The following TTF2 variants were observed in gnomAD, a reference collection of about 807,000 sequenced individuals.
The protein encoded by TTF2 is transcription termination factor 2, also known as RNA polymerase II termination factor.
TTF2 carries 108 observed loss-of-function variants against 142.4 expected under a neutral mutation model. The observed-to-expected ratio is 0.76, with a 90% CI of 0.65 to 0.89. TTF2 has a LOEUF of 0.89. Ranked by LOEUF, TTF2 falls within the 40% of genes least tolerant of loss-of-function variation. The pLI, the probability that TTF2 is intolerant of heterozygous loss-of-function variation, is 0.00. For missense variants in TTF2, 1,327 were observed against 1,379.8 expected (o/e 0.96, Z 0.61); for synonymous variants, 483 against 506.2 (o/e 0.95, Z 0.61).
intron 3 of TTF2, among the ~76,000 whole-genome samples, chr1:117,071,669 G>A (rs1453699755): frequency 6.6e-6 from 1 of 152,060 alleles, no homozygotes; most frequent in African/African-American, 2.4e-5. Context: ...TCAATTAAAA[G>A]TTTTTGAGGA....
rs1656724656 is a variant in TTF2, at chr1:117,073,097, T to G, written c.219-564T>G. 6.6e-6 allele frequency among the ~76,000 whole-genome samples: 1 copy of G among 152,216 alleles called. No individual in the cohort carries two copies. The highest frequency in any genetic ancestry group is 1.5e-5 in the Non-Finnish European group (1 of 68,036). On this transcript the variant is annotated intron_variant, in intron 3 of 22. Coordinates refer to ENST00000369466, the MANE Select transcript of TTF2 (RefSeq NM_003594.4). This position sits in a 1 kb window ranked among gnomAD's most constrained non-coding sequence, Gnocchi z 4.4. ...TTCATCTTTTTTTCTCCCTCGTAACTTATTTGTGGAAGGGATCAGGTTGTT... is the reference window on the plus strand; with the variant it reads ...TTCATCTTTTTTTCTCCCTCGTAACGTATTTGTGGAAGGGATCAGGTTGTT...
rs746902522 is a variant in TTF2 at position 117,076,613 on chromosome 1, A to G, written c.1391-28A>G. On this transcript the variant is annotated intron_variant, in intron 6 of 22. Transcript: ENST00000369466. The surrounding 1 kb of genome is among the most constrained non-coding windows in gnomAD (Gnocchi z 4.6). The stretch of plus-strand genomic sequence containing the variant: ...CCTTCACTTAGTTTGCTGAACTTTA[A>G]TCTGCTCTTCCCTTGTTTTCTGAGC... 1.5e-5 allele frequency: 24 copies of G among 1,582,674 alleles called. No homozygotes were observed. In the South Asian group the frequency reaches 2.2e-4, roughly 15 times the overall value.
chr1:117,071,018 G>A (rs1004052702), intron 3 of TTF2, among the ~76,000 whole-genome samples: 1 of 152,110 alleles, frequency 6.6e-6, no homozygotes, highest in African/African-American at 2.4e-5. Flanking sequence ...CTGAAGGAAA[G>A]CAGAAGGAAG....
Position 117,104,650 on chromosome 1 carries a change from G to C in TTF2, c.*3126G>C, listed in dbSNP as rs554430753. Reference sequence around the variant, plus strand: ...CCGTGAGATGCTACTGACTTGAGGTGGATGCAGAAAAAAATGGAACCACTG... The same window carrying C: ...CCGTGAGATGCTACTGACTTGAGGTCGATGCAGAAAAAAATGGAACCACTG... On this transcript the variant is annotated 3_prime_UTR_variant, in exon 23 of 23. Coordinates refer to ENST00000369466, the MANE Select transcript of TTF2 (RefSeq NM_003594.4). 6.6e-6 allele frequency: 1 copy of C among 152,128 alleles called. No homozygotes were observed. Among genetic ancestry groups the C allele is most frequent in the Admixed American group, 6.5e-5 (1 of 15,272 alleles). The allele number at this position is 152,128 out of a possible 1,614,324, so 9.4% of individuals were successfully genotyped here.
intron 3 of TTF2, among the ~76,000 whole-genome samples, chr1:117,064,939 A>G (rs924748047): frequency 2.0e-5 from 3 of 150,480 alleles, no homozygotes; most frequent in Non-Finnish European, 4.4e-5. Context: ...TTATTTTTGC[A>G]TATGTTACCA....
Position 117,075,978 on chromosome 1 carries a change from G to A in TTF2, c.1275+119G>A, listed in dbSNP as rs1404400961. The A allele has an allele frequency of 7.0e-7, 1 of 1,418,752 alleles. No homozygotes were observed. The highest frequency in any genetic ancestry group is 2.5e-5 in the Admixed American group (1 of 40,322). The allele number at this position is 1,418,752 out of a possible 1,614,324, so 87.9% of individuals were successfully genotyped here. On this transcript the variant is annotated intron_variant, in intron 5 of 22. Transcript: ENST00000369466. The surrounding 1 kb of genome is among the most constrained non-coding windows in gnomAD (Gnocchi z 4.5). ...TCATGTGAAGGTTTTATAGGTGCAT[G>A]TTCAGTTTCTGCCTTTTCCCCTATT...
At chr1:117,062,232 G>A (rs1283595436) in intron 2 of TTF2, among the ~76,000 whole-genome samples, 155 bp from the exon 3 acceptor site, 3 of 152,224 alleles carry the variant, frequency 2.0e-5, no homozygotes, top group Non-Finnish European at 2.9e-5. Context: ...TTCCCCAAAG[G>A]AATGCCCATA....
rs1055333557 is a variant in TTF2, at chr1:117,063,903, A to C, written c.218+1430A>C. Among the ~76,000 whole-genome samples the C allele has an allele frequency of 6.6e-6, 1 of 152,228 alleles. No homozygotes were observed. Among genetic ancestry groups the C allele is most frequent in the African/African-American group, 2.4e-5 (1 of 41,454 alleles). On this transcript the variant is annotated intron_variant, in intron 3 of 22. Transcript: ENST00000369466. This position sits in a 1 kb window ranked among gnomAD's most constrained non-coding sequence, Gnocchi z 4.1. ...ATTTATGTGTGTGTGTATATTCTATACAATTTTATCCTGTCGAGTCATGTA... is the reference window on the plus strand; with the variant it reads ...ATTTATGTGTGTGTGTATATTCTATCCAATTTTATCCTGTCGAGTCATGTA...
chr1:117,069,298 C>T (rs1185704179), intron 3 of TTF2, among the ~76,000 whole-genome samples: 2 of 152,136 alleles, frequency 1.3e-5, no homozygotes, highest in African/African-American at 2.4e-5. Context: ...CACATTAGAG[C>T]GCTAAATTGA....
In TTF2 at chr1:117,086,231, A is replaced by G. The variant is rs1444418793; in HGVS notation, c.2055-186A>G. On this transcript the variant is annotated intron_variant, in intron 11 of 22. Transcript: ENST00000369466. The surrounding 1 kb of genome is among the most constrained non-coding windows in gnomAD (Gnocchi z 4.2). ...AAGAGATAGGGAAACCCAAGTGGGT[A>G]AAATTTACCTCCAAAATGTGTGTGT... 6.7e-6 allele frequency among the ~76,000 whole-genome samples: 1 copy of G among 149,220 alleles called. No homozygotes were observed. The highest frequency in any genetic ancestry group is 1.5e-5 in the Non-Finnish European group (1 of 67,832).
At position 117,063,128 on chromosome 1, in the gene TTF2, G is replaced by C. The variant is rs1388956331; in HGVS notation, c.218+655G>C. Among the ~76,000 whole-genome samples the C allele has an allele frequency of 6.6e-6, 1 of 152,142 alleles. No homozygotes were observed. The highest frequency in any genetic ancestry group is 1.9e-4 in the East Asian group (1 of 5,200). On this transcript the variant is annotated intron_variant, in intron 3 of 22. Coordinates refer to ENST00000369466, the MANE Select transcript of TTF2 (RefSeq NM_003594.4). This position sits in a 1 kb window ranked among gnomAD's most constrained non-coding sequence, Gnocchi z 4.1. ...GGTCAGGATGTGATAGATGGTCTTT[G>C]TGTGATATTCTATGCACTTCATAAT...
Position 117,074,995 on chromosome 1 carries a change from C to G in TTF2, c.411C>G (p.Leu137=), listed in dbSNP as rs746959728. The change falls in exon 5 of 23, where the codon CTC becomes CTG. Residue 137 remains leucine, a synonymous_variant. Coordinates refer to ENST00000369466, the MANE Select transcript of TTF2 (RefSeq NM_003594.4). The part of the protein sequence containing the change: ...KVLDKNQEPA[L]WKQLIKGEGE... ...TTGACAAGAATCAAGAACCAGCTCTCTGGAAACAGCTCATCAAAGGTGAAG... is the reference window on the plus strand; with the variant it reads ...TTGACAAGAATCAAGAACCAGCTCTGTGGAAACAGCTCATCAAAGGTGAAG... 21 of 1,613,934 alleles carry G rather than the reference C, an allele frequency of 1.3e-5. No individual in the cohort carries two copies. The East Asian group carries it at 4.7e-4, about 36-fold the overall frequency.
intron 16 of TTF2, among the ~76,000 whole-genome samples, 167 bp from the exon 17 acceptor site, chr1:117,091,650 C>T (rs897838897): frequency 6.6e-6 from 1 of 151,986 alleles, no homozygotes; most frequent in East Asian, 1.9e-4. Flanking sequence ...AAGGAAAAAC[C>T]GATATTTCAT....
At position 117,080,355 on chromosome 1, in the gene TTF2, A is replaced by C. The variant is rs1647389749; in HGVS notation, c.1783+706A>C. On this transcript the variant is annotated intron_variant, in intron 9 of 22. Coordinates refer to ENST00000369466, the MANE Select transcript of TTF2 (RefSeq NM_003594.4). This position sits in a 1 kb window ranked among gnomAD's most constrained non-coding sequence, Gnocchi z 4.3. ...AGCATCACAGCTACTTTGCTTCACC[A>C]AGTGCTAGAGGCAACCAGTGCCACC... 6.6e-6 allele frequency among the ~76,000 whole-genome samples: 1 copy of C among 152,108 alleles called. No homozygotes were observed. The highest frequency in any genetic ancestry group is 1.5e-5 in the Non-Finnish European group (1 of 68,020).
At chr1:117,084,316 C>G in intron 11 of TTF2, 148 bp downstream of exon 11, 1 of 1,009,612 alleles carries the variant, frequency 9.9e-7, no homozygotes, top group Non-Finnish European at 1.4e-6. Context: ...CACCATACAG[C>G]CTTTGCGTTG....
chr1:117,090,211 AATC>A lies in TTF2; in HGVS notation c.2496+5_2496+7del. ...TGGACTCTACTGGCAGACCTTTGGT[AATC>A]AAGTTTGTACCTGTCCCTGGGGGAG... On this transcript the variant is annotated splice_donor_5th_base_variant and intron_variant, in intron 14 of 22. Coordinates refer to ENST00000369466, the MANE Select transcript of TTF2 (RefSeq NM_003594.4). This position sits in a 1 kb window ranked among gnomAD's most constrained non-coding sequence, Gnocchi z 4.8. 6.2e-7 allele frequency: 1 copy of A among 1,613,658 alleles called. No individual in the cohort carries two copies. Among genetic ancestry groups the A allele is most frequent in the Non-Finnish European group, 8.5e-7 (1 of 1,179,784 alleles).
rs781178944 is a variant in TTF2, at chr1:117,077,912, G to A, written c.1574-4G>A. 13 of 1,614,058 alleles carry A rather than the reference G, an allele frequency of 8.1e-6. No homozygotes were observed. Among genetic ancestry groups the A allele is most frequent in the Non-Finnish European group, 1.1e-5 (13 of 1,179,940 alleles). ...TCTTTTAGGTAACACCTATTTGTATGCAGGCCATACAAACCAAGATCACGT... is the reference window on the plus strand; with the variant it reads ...TCTTTTAGGTAACACCTATTTGTATACAGGCCATACAAACCAAGATCACGT... On this transcript the variant is annotated splice_polypyrimidine_tract_variant and splice_region_variant and intron_variant, in intron 7 of 22. Coordinates refer to ENST00000369466, the MANE Select transcript of TTF2 (RefSeq NM_003594.4).
In TTF2 at chr1:117,073,032, G is replaced by T. The variant is rs1239104320; in HGVS notation, c.219-629G>T. Among the ~76,000 whole-genome samples, 1 of 152,158 alleles carries T rather than the reference G, an allele frequency of 6.6e-6. No homozygotes were observed. The highest frequency in any genetic ancestry group is 1.5e-5 in the Non-Finnish European group (1 of 68,034). On this transcript the variant is annotated intron_variant, in intron 3 of 22. Coordinates refer to ENST00000369466, the MANE Select transcript of TTF2 (RefSeq NM_003594.4). The surrounding 1 kb of genome is among the most constrained non-coding windows in gnomAD (Gnocchi z 4.4). ...GGATCCAAATAAGGTTCACAAATTGGAATTGATTAATATGTCTTTTAAGTC... is the reference window on the plus strand; with the variant it reads ...GGATCCAAATAAGGTTCACAAATTGTAATTGATTAATATGTCTTTTAAGTC...
Position 117,075,887 on chromosome 1 carries a change from G to A in TTF2, c.1275+28G>A. ...AACTATTGACTCGTGTTTTGTTTCT[G>A]AGGTCAGAGCATTGCTTGTTATGGG... On this transcript the variant is annotated intron_variant, in intron 5 of 22. Transcript: ENST00000369466. The surrounding 1 kb of genome is among the most constrained non-coding windows in gnomAD (Gnocchi z 4.5). The A allele has an allele frequency of 6.3e-7, 1 of 1,577,892 alleles. No individual in the cohort carries two copies. The highest frequency in any genetic ancestry group is 8.6e-7 in the Non-Finnish European group (1 of 1,165,440).
Sources: gnomAD v4.1 joint callset for allele counts (sites outside exome capture counted in the v4.1 genomes callset) on GRCh38, gnomAD v4.1.1 for gene constraint, Gnocchi (gnomAD v3.1) non-coding constraint, MANE v1.5 for transcripts, NCBI Gene and HGNC (gene_info 2026-07-23, HGNC 2026-07-21) for gene names.